Variants in PCNA observed in about 807,000 individuals in gnomAD.
The protein encoded by PCNA is DNA sliding clamp PCNA.
PCNA carries 4 observed loss-of-function variants against 27.8 expected under a neutral mutation model. The ratio of observed to expected loss-of-function variants is 0.14; its 90% CI spans 0.07 to 0.33. The LOEUF is 0.33. PCNA is among the 10% of genes least tolerant of loss of function. The pLI is 1.00. For missense variants in PCNA, 165 were observed against 327.4 expected (o/e 0.50, Z 3.83); for synonymous variants, 121 against 119.4 (o/e 1.01, Z -0.09).
upstream of PCNA, among the ~76,000 whole-genome samples, chr20:5,122,167 A>C (rs1453438478): frequency 1.3e-5 from 2 of 151,962 alleles, no homozygotes; most frequent in Non-Finnish European, 2.9e-5. Context: ...TTTTTAGTAG[A>C]GACGGGGTTT....
chr20:5,119,805 G>A lies in PCNA; in HGVS notation c.-7C>T, dbSNP rs1384696649. The stretch of plus-strand genomic sequence containing the variant: ...CCAGGCGCGCCTCGAACATGGTGGC[G>A]GAGTGGCAACAACGCCGCTACAGGC... On this transcript the variant is annotated 5_prime_UTR_variant, in exon 1 of 6. Transcript: ENST00000379143. 4 of 1,557,652 alleles carry A rather than the reference G, an allele frequency of 2.6e-6. No homozygotes were observed. The South Asian group carries it at 4.7e-5, about 18-fold the overall frequency.
At chr20:5,125,528 A>C (rs1325987129) in intron 1 of PCNA, among the ~76,000 whole-genome samples, 1 of 152,208 alleles carries the variant, frequency 6.6e-6, no homozygotes, top group Admixed American at 6.5e-5. Flanking sequence ...ATATTTTTTT[A>C]AAAAACGAAA....
chr20:5,121,818 G>A (rs2090520011), upstream of PCNA, among the ~76,000 whole-genome samples: 1 of 151,902 alleles, frequency 6.6e-6, no homozygotes, highest in Non-Finnish European at 1.5e-5. Flanking sequence ...GTAGAGAGAA[G>A]GTCCCACTAT....
In PCNA at chr20:5,114,970, G is replaced by C. The variant is rs951238633; in HGVS notation, c.*313C>G. ...CTGCCCTGTGATGTTTGAAATTCAA[G>C]TAACTTTATTTAAATTCAAAAACAA... On this transcript the variant is annotated 3_prime_UTR_variant, in exon 6 of 6. Transcript: ENST00000379143. 37 of 237,228 alleles carry C rather than the reference G, an allele frequency of 1.6e-4. No individual in the cohort carries two copies. Among genetic ancestry groups the C allele is most frequent in the African/African-American group, 7.5e-4 (32 of 42,852 alleles). 14.7% of individuals were successfully genotyped at this position (237,228 alleles called of 1,614,324 possible).
At chr20:5,118,116 G>A (rs1250349937) in intron 3 of PCNA, among the ~76,000 whole-genome samples, 4 of 152,166 alleles carry the variant, frequency 2.6e-5, no homozygotes, top group African/African-American at 9.7e-5. Flanking sequence ...TTTAAAAGAG[G>A]TTCATGGAAG....
upstream of PCNA, among the ~76,000 whole-genome samples, chr20:5,121,957 ATTTC>A (rs1345775138): frequency 7.0e-6 from 1 of 142,198 alleles, no homozygotes; most frequent in African/African-American, 2.8e-5. Flanking sequence ...ATCACTTAGA[ATTTC>A]TTTTTTTTTT....
chr20:5,125,862 G>C (rs2090544300), intron 1 of PCNA, among the ~76,000 whole-genome samples: 1 of 152,172 alleles, frequency 6.6e-6, no homozygotes. Context: ...CAAAGACATA[G>C]AGGATGCACA....
chr20:5,117,738 G>T, intron 3 of PCNA, 74 bp from the exon 4 acceptor site: 2 of 838,296 alleles, frequency 2.4e-6, no homozygotes, highest in Non-Finnish European at 3.8e-6. Flanking sequence ...TTTCTTAAAA[G>T]GCAACACCTA....
intron 1 of PCNA, among the ~76,000 whole-genome samples, 156 bp downstream of exon 1, chr20:5,119,421 CG>C (rs1378734194): frequency 6.6e-6 from 1 of 152,262 alleles, no homozygotes; most frequent in East Asian, 1.9e-4. Flanking sequence ...TTTTCCGAAC[CG>C]CGCGCTCAGC....
At chr20:5,124,605 G>A (rs1432662777), upstream of PCNA, among the ~76,000 whole-genome samples, 1 of 150,938 alleles carries the variant, frequency 6.6e-6, no homozygotes, top group African/African-American at 2.4e-5. Flanking sequence ...ACTCCAGCCT[G>A]AGCAACAAGA....
chr20:5,118,562 T>C (rs2122902957), intron 3 of PCNA, 48 bp downstream of exon 3: 1 of 1,285,060 alleles, frequency 7.8e-7, no homozygotes, highest in Non-Finnish European at 1.1e-6. Context: ...ATGACATAAC[T>C]ATCGTGCCTG....
chr20:5,124,329 C>T (rs1466754635), upstream of PCNA, among the ~76,000 whole-genome samples: 1 of 152,128 alleles, frequency 6.6e-6, no homozygotes, highest in African/African-American at 2.4e-5. Context: ...TTACCAAGAT[C>T]AAGCATGCTT....
chr20:5,116,018 C>T (rs1327843228), intron 4 of PCNA, among the ~76,000 whole-genome samples: 1 of 152,140 alleles, frequency 6.6e-6, no homozygotes, highest in African/African-American at 2.4e-5. Context: ...TATCAAGGCT[C>T]CAGGGCTATA....
At chr20:5,120,547 CTTT>C (rs11087673), upstream of PCNA, among the ~76,000 whole-genome samples, 22 of 148,414 alleles carry the variant, frequency 1.5e-4, no homozygotes, top group Non-Finnish European at 2.1e-4. Flanking sequence ...TTCGAATACA[CTTT>C]TTTTTTTTCA....
At chr20:5,118,704 A>T in intron 2 of PCNA, 27 bp from the exon 3 acceptor site, 1 of 1,609,220 alleles carries the variant, frequency 6.2e-7, no homozygotes. Context: ...GATGCTTTTG[A>T]GAAATACTGA....
At chr20:5,126,005 G>A (rs2090545428) in intron 1 of PCNA, among the ~76,000 whole-genome samples, 1 of 152,136 alleles carries the variant, frequency 6.6e-6, no homozygotes, top group Non-Finnish European at 1.5e-5. Flanking sequence ...AGGCGGAGGC[G>A]GACGGATCAC....
Position 5,118,836 on chromosome 20 carries a change from A to G in PCNA, c.252T>C (p.Asn84=). 6.2e-7 allele frequency: 1 copy of G among 1,613,246 alleles called. No homozygotes were observed. Among genetic ancestry groups the G allele is most frequent in the Non-Finnish European group, 8.5e-7 (1 of 1,179,310 alleles). ...CGGCCCTTAGTGTAATGATATCTTC[A>G]TTGCCGGCGCATTTTAGTATTTTGG... is the stretch of plus-strand genomic sequence containing the variant. ...SMSKILKCAG[N]EDIITLRAED... Residue 84 remains asparagine (N), a synonymous_variant, in exon 2 of 6, where the codon AAT becomes AAC. Coordinates refer to ENST00000379143, the MANE Select transcript of PCNA (RefSeq NM_182649.2).
At chr20:5,124,024 T>A (rs2090531566), upstream of PCNA, among the ~76,000 whole-genome samples, 1 of 152,208 alleles carries the variant, frequency 6.6e-6, no homozygotes, top group Non-Finnish European at 1.5e-5. Context: ...CACTGTCCAG[T>A]CCTAGTCTTC....
chr20:5,118,717 C>T (rs1568519852), intron 2 of PCNA, 40 bp from the exon 3 acceptor site: 3 of 1,607,856 alleles, frequency 1.9e-6, no homozygotes, highest in African/African-American at 1.3e-5. Flanking sequence ...AATACTGACA[C>T]AGAGTTTTGA....
Sources: allele counts gnomAD v4.1 joint callset (sites outside exome capture counted in the v4.1 genomes callset), GRCh38; gene constraint gnomAD v4.1.1; transcripts MANE v1.5; gene names NCBI Gene and HGNC (gene_info 2026-07-23, HGNC 2026-07-21).